TNKS1BP1: variants seen among roughly 807,000 people sequenced by gnomAD.
TNKS1BP1 encodes CCR4-NOT transcription complex subunit 12.
A neutral mutation model predicts 141.1 loss-of-function variants in TNKS1BP1; 48 were observed. That is an observed-to-expected ratio of 0.34 (90% CI 0.27 to 0.43). The LOEUF (loss-of-function observed/expected upper bound fraction) is 0.43, where lower values mean the gene tolerates loss of function less well. Ranked by LOEUF, TNKS1BP1 falls within the 20% of genes least tolerant of loss-of-function variation. The probability of loss-of-function intolerance (pLI) is 1.00; values close to 1 mark genes in which losing one functional copy is unlikely to be tolerated. For missense variants in TNKS1BP1, 2,149 were observed against 2,226.0 expected, an observed-to-expected ratio of 0.97 and a Z score of 0.70; for synonymous variants, 875 against 898.2, an observed-to-expected ratio of 0.97 and a Z score of 0.46.
In TNKS1BP1 at chr11:57,317,740, G is replaced by A. The variant is rs1164639440; in HGVS notation, c.798+78C>T. 3.6e-6 allele frequency: 5 copies of A among 1,391,276 alleles called. No individual in the cohort carries two copies. In the Admixed American group the frequency reaches 5.5e-5, roughly 15 times the overall value. The allele number at this position is 1,391,276 out of a possible 1,614,324, so 86.2% of individuals were successfully genotyped here. ...TCAGTTTCCCCATCTGAACTACAAG[G>A]AGTAGAAAAGATGATCTCATATGAC... On this transcript the variant is annotated intron_variant, in intron 4 of 11. Transcript: ENST00000358252.
chr11:57,321,744 TC>T, intron 2 of TNKS1BP1, 47 bp downstream of exon 2: 2 of 1,039,798 alleles, frequency 1.9e-6, no homozygotes, highest in Non-Finnish European at 3.0e-6. Context: ...CCTCTGTCCT[TC>T]CCACCCCCCT....
At position 57,313,109 on chromosome 11, in the gene TNKS1BP1, G is replaced by A; in HGVS notation, c.1579C>T (p.Gln527Ter). 6.2e-7 allele frequency: 1 copy of A among 1,613,348 alleles called. No individual in the cohort carries two copies. Among genetic ancestry groups the A allele is most frequent in the Non-Finnish European group, 8.5e-7 (1 of 1,180,008 alleles). ...GGAGCTGACCCAGCCCCTTGCCCCT[G>A]CTGAGACACTCCTTCTTCCCTGCTG... is the stretch of plus-strand genomic sequence containing the variant. ...VSSREEGVSQ[Q>*]GQGAGSAPSG... The change falls in exon 5 of 12, where the codon CAG becomes TAG. Residue 527 changes from glutamine (Q) to a stop codon, truncating the protein, a stop_gained. Transcript: ENST00000358252. LOFTEE classifies it high-confidence loss of function.
In TNKS1BP1 at chr11:57,303,073, G is replaced by T. The variant is rs553254745; in HGVS notation, c.4317-248C>A. 9 of 441,312 alleles carry T rather than the reference G, an allele frequency of 2.0e-5. No homozygotes were observed. The Admixed American group carries it at 3.4e-4, about 17-fold the overall frequency. The allele number at this position is 441,312 out of a possible 1,614,324, so 27.3% of individuals were successfully genotyped here. On this transcript the variant is annotated intron_variant, in intron 6 of 11. Transcript: ENST00000358252. ...GCCCCCTCCCCTGGAAACAGCTCAG[G>T]CTCCTCTAACTGCACGGAGTCGCTG...
Position 57,302,967 on chromosome 11 carries a change from G to A in TNKS1BP1, c.4317-142C>T, listed in dbSNP as rs781684040. 5.4e-5 allele frequency: 57 copies of A among 1,059,950 alleles called. No homozygotes were observed. Among genetic ancestry groups the A allele is most frequent in the Non-Finnish European group, 6.7e-5 (52 of 771,862 alleles). The allele number at this position is 1,059,950 out of a possible 1,614,324, so 65.7% of individuals were successfully genotyped here. ...TGCTTTTTCCAGACTCCAAGGACAC[G>A]GTCAGGGCCTTGAGCAACACAGCAC... is the stretch of plus-strand genomic sequence containing the variant. On this transcript the variant is annotated intron_variant, in intron 6 of 11. Coordinates refer to ENST00000358252, the MANE Select transcript of TNKS1BP1 (RefSeq NM_033396.3). This position sits in a 1 kb window ranked among gnomAD's most constrained non-coding sequence, Gnocchi z 5.5.
At chr11:57,300,457 G>A (rs1855508302) in intron 11 of TNKS1BP1, 71 bp downstream of exon 11, 7 of 1,402,352 alleles carry the variant, frequency 5.0e-6, no homozygotes, top group Non-Finnish European at 6.0e-6. Flanking sequence ...GACAGAAGGG[G>A]CATGAGGCCT....
At chr11:57,304,358 T>A (rs1228532493) in intron 6 of TNKS1BP1, among the ~76,000 whole-genome samples, 1 of 151,798 alleles carries the variant, frequency 6.6e-6, no homozygotes, top group Non-Finnish European at 1.5e-5. Flanking sequence ...GGAGAGACAT[T>A]GGGGGAGGAG....
Position 57,309,967 on chromosome 11 carries a change from T to C in TNKS1BP1, c.2744A>G (p.His915Arg). 6.2e-7 allele frequency: 1 copy of C among 1,614,020 alleles called. No homozygotes were observed. The highest frequency in any genetic ancestry group is 8.5e-7 in the Non-Finnish European group (1 of 1,179,916). ...GGCATCCTGGCTGCTGTACCTACCA[T>C]GGTGGTCCCTCTTCCCCAAATCTTG... ...QGQDLGKRDH[H>R]GRYSSQDADE... Residue 915 changes from histidine (H) to arginine (R), a missense_variant, in exon 6 of 12, where the codon CAT becomes CGT. Transcript: ENST00000358252. This position sits in a 1 kb window ranked among gnomAD's most constrained non-coding sequence, Gnocchi z 4.3.
chr11:57,307,442 C>T (rs1449690049), intron 6 of TNKS1BP1, among the ~76,000 whole-genome samples: 1 of 152,060 alleles, frequency 6.6e-6, no homozygotes, highest in African/African-American at 2.4e-5. Context: ...GGCCCATCTT[C>T]CTCTCTCCCT....
rs750457239 is a variant in TNKS1BP1 at position 57,310,153 on chromosome 11, C to T, written c.2558G>A (p.Gly853Asp). ...DWEFRKRDSQ[G>D]TYSSRDAELQ... ...TTCTGCATCCCGGCTGGAGTAAGTG[C>T]CCTGGGAATCCCTCTTTCTGAACTC... The change falls in exon 6 of 12, where the codon GGC becomes GAC. Residue 853 changes from glycine to aspartate, a missense_variant. Physicochemically the swap from Gly to Asp is moderately conservative, Grantham distance 94. Coordinates refer to ENST00000358252, the MANE Select transcript of TNKS1BP1 (RefSeq NM_033396.3). The T allele has an allele frequency of 6.2e-7, 1 of 1,614,178 alleles. No homozygotes were observed. The highest frequency in any genetic ancestry group is 1.1e-5 in the South Asian group (1 of 91,078).
At chr11:57,307,386 T>C (rs1855629708) in intron 6 of TNKS1BP1, among the ~76,000 whole-genome samples, 1 of 151,856 alleles carries the variant, frequency 6.6e-6, no homozygotes, top group Non-Finnish European at 1.5e-5. Flanking sequence ...ACAGCCTGAG[T>C]CGTCAGGAAG....
Position 57,309,339 on chromosome 11 carries a change from A to C in TNKS1BP1, c.3372T>G (p.Phe1124Leu). The change falls in exon 6 of 12, where the codon TTT becomes TTG. Residue 1124 changes from phenylalanine to leucine, a missense_variant. Coordinates refer to ENST00000358252, the MANE Select transcript of TNKS1BP1 (RefSeq NM_033396.3). This position sits in a 1 kb window ranked among gnomAD's most constrained non-coding sequence, Gnocchi z 4.3. ...TCACTCTGTCGTTGCCAATGATGCC[A>C]AACTGATAGCTCCTCTCACTGGCCT... The part of the protein sequence containing the change: ...CIEASERSYQ[F>L]GIIGNDRVSG... The C allele has an allele frequency of 6.2e-7, 1 of 1,614,180 alleles. No homozygotes were observed. Among genetic ancestry groups the C allele is most frequent in the Admixed American group, 1.7e-5 (1 of 60,018 alleles).
intron 4 of TNKS1BP1, among the ~76,000 whole-genome samples, chr11:57,314,466 C>T (rs374030058): frequency 2.6e-5 from 4 of 152,170 alleles, no homozygotes; most frequent in Non-Finnish European, 4.4e-5. Context: ...GGTGTGACAG[C>T]GCCTGGCTTG....
chr11:57,323,867 C>T (rs1855921959), intron 1 of TNKS1BP1, among the ~76,000 whole-genome samples: 1 of 152,214 alleles, frequency 6.6e-6, no homozygotes, highest in African/African-American at 2.4e-5. Flanking sequence ...ATCCTTTCAC[C>T]TGGGGTTCTG....
chr11:57,305,938 C>T (rs1427883861), intron 6 of TNKS1BP1, among the ~76,000 whole-genome samples: 1 of 152,140 alleles, frequency 6.6e-6, no homozygotes, highest in Non-Finnish European at 1.5e-5. Context: ...TCAAGGACTT[C>T]TCGTTACAAA....
At position 57,309,662 on chromosome 11, in the gene TNKS1BP1, C is replaced by T. The variant is rs780747008; in HGVS notation, c.3049G>A (p.Gly1017Ser). 6.2e-7 allele frequency: 1 copy of T among 1,614,224 alleles called. No individual in the cohort carries two copies. The highest frequency in any genetic ancestry group is 8.5e-7 in the Non-Finnish European group (1 of 1,180,038). The stretch of plus-strand genomic sequence containing the variant: ...CCGGATCCTCTCTCTCCTGGCCGGC[C>T]AGCATCCCTGCTGCCCTCTCCAAGG... ...DSLGEGSRDA[G>S]RPGERGSGGL... Residue 1017 changes from glycine to serine, a missense_variant, in exon 6 of 12, where the codon GGC becomes AGC. Gly to Ser is a moderately conservative substitution (Grantham distance 56, BLOSUM62 0). Coordinates refer to ENST00000358252, the MANE Select transcript of TNKS1BP1 (RefSeq NM_033396.3). This position sits in a 1 kb window ranked among gnomAD's most constrained non-coding sequence, Gnocchi z 4.3.
In TNKS1BP1 at chr11:57,313,552, C is replaced by A. The variant is rs1372291287; in HGVS notation, c.1136G>T (p.Ser379Ile). The A allele has an allele frequency of 6.3e-7, 1 of 1,580,390 alleles. No individual in the cohort carries two copies. The highest frequency in any genetic ancestry group is 1.4e-5 in the African/African-American group (1 of 73,966). Reference protein sequence around the residue: ...SPPPEVLEPHSLDQPPATSPR... With the variant: ...SPPPEVLEPHILDQPPATSPR... Reference sequence around the variant, plus strand: ...TGAGGTGGCAGGGGGCTGATCCAGGCTATGGGGCTCCAAGACCTCAGGGGG... The same window carrying A: ...TGAGGTGGCAGGGGGCTGATCCAGGATATGGGGCTCCAAGACCTCAGGGGG... Residue 379 changes from serine (S) to isoleucine (I), a missense_variant, in exon 5 of 12, where the codon AGC becomes ATC. Physicochemically the swap from Ser to Ile is moderately radical, Grantham distance 142. Coordinates refer to ENST00000358252, the MANE Select transcript of TNKS1BP1 (RefSeq NM_033396.3).
intron 4 of TNKS1BP1, among the ~76,000 whole-genome samples, chr11:57,314,842 C>T (rs73472520): frequency 0.059 from 9,030 of 152,174 alleles, 868 homozygotes; most frequent in African/African-American, 0.2. Context: ...CCCACATCAT[C>T]ACCTACTAGG....
Position 57,321,838 on chromosome 11 carries a change from C to T in TNKS1BP1, c.48G>A (p.Leu16=), listed in dbSNP as rs1277706111. 1.2e-6 allele frequency: 2 copies of T among 1,614,000 alleles called. No individual in the cohort carries two copies. The highest frequency in any genetic ancestry group is 2.7e-5 in the African/African-American group (2 of 74,912). The stretch of plus-strand genomic sequence containing the variant: ...CCAGCTCCTCCTCCATCTCCCGGGG[C>T]AGTGGGGAAGCCATGGCTGAGCTTT... The part of the protein sequence containing the change: ...LRESSAMASP[L]PREMEEELVP... The change falls in exon 2 of 12, where the codon CTG becomes CTA. Residue 16 remains leucine (L), a synonymous_variant. Coordinates refer to ENST00000358252, the MANE Select transcript of TNKS1BP1 (RefSeq NM_033396.3).
In TNKS1BP1 at chr11:57,302,356, C is replaced by T. The variant is rs180860938; in HGVS notation, c.4683+103G>A. ...GTTCACGTGACGCACCTACAACCCG[C>T]TTTCTGCCTCCTGGACTGGGACTGC... On this transcript the variant is annotated intron_variant, in intron 7 of 11. Transcript: ENST00000358252. This position sits in a 1 kb window ranked among gnomAD's most constrained non-coding sequence, Gnocchi z 5.5. 21,054 of 1,539,328 alleles carry T rather than the reference C, an allele frequency of 0.014. 196 individuals are homozygous for T. Among genetic ancestry groups the T allele is most frequent in the Non-Finnish European group, 0.017 (19,524 of 1,141,260 alleles).
Sources: gnomAD v4.1 joint callset for allele counts (sites outside exome capture counted in the v4.1 genomes callset) on GRCh38, gnomAD v4.1.1 for gene constraint, Gnocchi (gnomAD v3.1) non-coding constraint, MANE v1.5 for transcripts, NCBI Gene and HGNC (gene_info 2026-07-23, HGNC 2026-07-21) for gene names.